Variants in MPHOSPH9 observed in about 807,000 individuals in gnomAD.
MPHOSPH9 encodes M-phase phosphoprotein 9.
A neutral mutation model predicts 145.5 loss-of-function variants in MPHOSPH9; 88 were observed. The observed-to-expected ratio is 0.60, with a 90% CI of 0.51 to 0.72. The LOEUF (loss-of-function observed/expected upper bound fraction) is 0.72. MPHOSPH9 is among the 30% of genes least tolerant of loss of function. The pLI, the probability that MPHOSPH9 is intolerant of heterozygous loss-of-function variation, is 0.00. For missense variants in MPHOSPH9, 1,238 were observed against 1,386.6 expected, an observed-to-expected ratio of 0.89 and a Z score of 1.70; for synonymous variants, 435 against 486.2, an observed-to-expected ratio of 0.89 and a Z score of 1.39.
intron 1 of MPHOSPH9, among the ~76,000 whole-genome samples, chr12:123,239,402 G>GTTT (rs1410659171): frequency 1.2e-5 from 1 of 80,026 alleles, no homozygotes; most frequent in African/African-American, 2.6e-5. Flanking sequence ...CATTAGTTTT[G>GTTT]TTTTTTTGTT....
Position 123,165,480 on chromosome 12 carries a change from T to A in MPHOSPH9, c.2592-3A>T. On this transcript the variant is annotated splice_polypyrimidine_tract_variant and splice_region_variant and intron_variant, in intron 17 of 23. Coordinates refer to ENST00000606320, the MANE Select transcript of MPHOSPH9 (RefSeq NM_022782.4). ...CCTTTTCCAGAGGTGAACGGTGCCT[T>A]AAACAATAATTTTAAGACATACAGT... 6.2e-7 allele frequency: 1 copy of A among 1,612,166 alleles called. No individual in the cohort carries two copies. Among genetic ancestry groups the A allele is most frequent in the South Asian group, 1.1e-5 (1 of 91,014 alleles).
intron 8 of MPHOSPH9, 148 bp from the exon 9 acceptor site, chr12:123,203,523 A>T: frequency 2.8e-6 from 2 of 723,330 alleles, no homozygotes; most frequent in Non-Finnish European, 4.4e-6. Context: ...CTTGGAAGTC[A>T]TTACCTAGTA....
At chr12:123,189,995 G>T (rs538611372) in intron 13 of MPHOSPH9, among the ~76,000 whole-genome samples, 1 of 151,518 alleles carries the variant, frequency 6.6e-6, no homozygotes, top group East Asian at 1.9e-4. Context: ...TTCAAGATAC[G>T]CCAAAGAAGT....
intron 5 of MPHOSPH9, among the ~76,000 whole-genome samples, chr12:123,219,552 CAA>C (rs778997410): frequency 2.6e-4 from 13 of 49,938 alleles, no homozygotes; most frequent in African/African-American, 2.1e-4. Context: ...GACTCTGTCT[CAA>C]AAAAAAAAAA....
In MPHOSPH9 at chr12:123,154,672, AT is replaced by A. The variant is rs1378792998; in HGVS notation, c.*2134del. ...TCTTAAGAATGTAGTAGATTTTACA[AT>A]AAAAGTAGGGAACAAGGAAATATCC... On this transcript the variant is annotated 3_prime_UTR_variant, in exon 24 of 24. Transcript: ENST00000606320. 3.3e-5 allele frequency: 5 copies of A among 152,250 alleles called. No individual in the cohort carries two copies. In the East Asian group the frequency reaches 9.6e-4, roughly 29 times the overall value. 9.4% of individuals were successfully genotyped at this position (152,250 alleles called of 1,614,324 possible). A position where few individuals can be genotyped will look rare whatever the true frequency, so the allele number is the denominator to read the frequency against.
At chr12:123,168,856 C>A (rs2044442294) in intron 16 of MPHOSPH9, among the ~76,000 whole-genome samples, 3 of 151,362 alleles carry the variant, frequency 2.0e-5, no homozygotes, top group African/African-American at 7.3e-5. Flanking sequence ...CTTCTATCTA[C>A]ATTCACTTCA....
intron 16 of MPHOSPH9, among the ~76,000 whole-genome samples, chr12:123,167,917 T>C (rs2044385184): frequency 2.0e-5 from 3 of 152,128 alleles, no homozygotes; most frequent in Admixed American, 1.3e-4. Flanking sequence ...TCCAGTGAGG[T>C]GACCCTCTAC....
intron 23 of MPHOSPH9, among the ~76,000 whole-genome samples, chr12:123,157,727 T>A (rs1441879519): frequency 2.0e-5 from 3 of 152,110 alleles, no homozygotes; most frequent in African/African-American, 7.2e-5. Flanking sequence ...CCTCAAGTGA[T>A]CCACCCACCT....
Position 123,202,675 on chromosome 12 carries a change from ACACTGTTGGCTGTAC to A in MPHOSPH9, c.1715_1729del (p.Gly572_Ser576del), listed in dbSNP as rs760351028. ...GGAAGTCAATGAAATGCATTCTGGG[ACACTGTTGGCTGTAC>A]CTGGAAGCTGGGACTGACTGACTGA... On this transcript the variant is annotated inframe_deletion, in exon 10 of 24. Transcript: ENST00000606320. The A allele has an allele frequency of 7.4e-6, 12 of 1,614,160 alleles. No individual in the cohort carries two copies. The highest frequency in any genetic ancestry group is 1.0e-5 in the Non-Finnish European group (12 of 1,180,028).
chr12:123,214,793 G>A lies in MPHOSPH9; in HGVS notation c.1038C>T (p.Leu346=), dbSNP rs926014404. The change falls in exon 7 of 24, where the codon CTC becomes CTT. Residue 346 remains leucine, a synonymous_variant. Transcript: ENST00000606320. ...CATTTGGAGTTTCATCTGGTTTACT[G>A]AGGTAAAAAGCACGAGGATGTGTAG... is the stretch of plus-strand genomic sequence containing the variant. ...AAATHPRAFY[L]SKPDETPNAW... 9 of 1,613,630 alleles carry A rather than the reference G, an allele frequency of 5.6e-6. No individual in the cohort carries two copies. The African/African-American group carries it at 1.2e-4, about 22-fold the overall frequency.
intron 15 of MPHOSPH9, among the ~76,000 whole-genome samples, chr12:123,178,318 TA>T (rs1275363819): frequency 6.6e-6 from 1 of 152,244 alleles, no homozygotes; most frequent in Non-Finnish European, 1.5e-5. Flanking sequence ...ACTGATGTTT[TA>T]TAACAATCTG....
chr12:123,194,930 A>G lies in MPHOSPH9; in HGVS notation c.2026-329T>C, dbSNP rs577811659. Among the ~76,000 whole-genome samples, 3 of 152,140 alleles carry G rather than the reference A, an allele frequency of 2.0e-5. No individual in the cohort carries two copies. The South Asian group carries it at 6.2e-4, about 32-fold the overall frequency. ...AGCTACCACGCCCAGCCCAAAATTT[A>G]TTTTAAATGAAAAAAAAAGATGCCT... On this transcript the variant is annotated intron_variant, in intron 12 of 23. Transcript: ENST00000606320.
chr12:123,195,745 G>A (rs2045918762), intron 12 of MPHOSPH9, among the ~76,000 whole-genome samples: 1 of 151,996 alleles, frequency 6.6e-6, no homozygotes, highest in Non-Finnish European at 1.5e-5. Context: ...TGAAGCTTAG[G>A]AGGAGAGGAA....
downstream of MPHOSPH9, among the ~76,000 whole-genome samples, chr12:123,154,056 C>A (rs953897729): frequency 9.9e-5 from 15 of 152,134 alleles, no homozygotes; most frequent in South Asian, 2.7e-3. Flanking sequence ...TTGGAAAAGT[C>A]CTTCAGTTGC....
At chr12:123,240,295 AC>A (rs1413477983) in intron 1 of MPHOSPH9, among the ~76,000 whole-genome samples, 1 of 151,386 alleles carries the variant, frequency 6.6e-6, no homozygotes, top group African/African-American at 2.4e-5. Flanking sequence ...AATTGCTAGA[AC>A]CCGGGAGGCG....
chr12:123,186,227 CAAAAAAAA>C (rs35294099), intron 13 of MPHOSPH9, among the ~76,000 whole-genome samples: 2 of 101,332 alleles, frequency 2.0e-5, no homozygotes, highest in African/African-American at 1.0e-4. Flanking sequence ...AACTCCGTCT[CAAAAAAAA>C]AAAAAAAAAA....
intron 18 of MPHOSPH9, 44 bp downstream of exon 18, chr12:123,165,257 GA>G (rs2044268303): frequency 6.7e-7 from 1 of 1,482,324 alleles, no homozygotes; most frequent in Admixed American, 2.1e-5. Flanking sequence ...TATAAATGGG[GA>G]AAAGATATCT....
At chr12:123,210,897 A>G (rs1352224651) in intron 7 of MPHOSPH9, among the ~76,000 whole-genome samples, 2 of 149,910 alleles carry the variant, frequency 1.3e-5, no homozygotes, top group Non-Finnish European at 3.0e-5. Context: ...AGTTCAAGCA[A>G]TTCTCCTGCC....
intron 11 of MPHOSPH9, among the ~76,000 whole-genome samples, chr12:123,201,548 G>A (rs937177897): frequency 1.3e-4 from 20 of 151,638 alleles, no homozygotes; most frequent in South Asian, 1.0e-3. Context: ...CCCAACTAAC[G>A]TTTTAATTTT....
Sources: allele counts gnomAD v4.1 joint callset (sites outside exome capture counted in the v4.1 genomes callset), GRCh38; gene constraint gnomAD v4.1.1; transcripts MANE v1.5; gene names NCBI Gene and HGNC (gene_info 2026-07-23, HGNC 2026-07-21).